The following CCDC187 variants were observed in gnomAD, a reference collection of about 807,000 sequenced individuals.
The protein encoded by CCDC187 is coiled-coil domain containing 187, also known as coiled-coil domain-containing protein 187.
A neutral mutation model predicts 38.0 loss-of-function variants in CCDC187; 32 were observed. The observed-to-expected ratio is 0.84, with a 90% CI of 0.64 to 1.13. The LOEUF (loss-of-function observed/expected upper bound fraction) is 1.13. CCDC187 is among the 50% of genes most tolerant of loss of function. The pLI is 0.00. For synonymous variants in CCDC187, 333 were observed against 347.9 expected, an observed-to-expected ratio of 0.96 and a Z score of 0.48; for missense variants, 707 against 786.8, an observed-to-expected ratio of 0.90 and a Z score of 1.21.
Position 136,250,860 on chromosome 9 carries a change from G to A in CCDC187, c.*2734C>T, listed in dbSNP as rs1374799655. On this transcript the variant is annotated 3_prime_UTR_variant, in exon 26 of 26. Transcript: ENST00000638797. ...AGGCAGGCTGGGTCCAGCTGCTCCC[G>A]GGCGAGGGGTGTCTGGAGAGGGGCT... 1.1e-5 allele frequency: 5 copies of A among 455,256 alleles called. No individual in the cohort carries two copies. The highest frequency in any genetic ancestry group is 7.0e-5 in the East Asian group (1 of 14,384). The allele number at this position is 455,256 out of a possible 1,614,324, so 28.2% of individuals were successfully genotyped here.
At chr9:136,272,457 CTT>C (rs2131197708) in intron 14 of CCDC187, among the ~76,000 whole-genome samples, 1 of 152,134 alleles carries the variant, frequency 6.6e-6, no homozygotes, top group African/African-American at 2.4e-5. Flanking sequence ...AATCCCAGCA[CTT>C]TGGGAGATCG....
At position 136,299,340 on chromosome 9, in the gene CCDC187, C is replaced by T. The variant is rs891354808; in HGVS notation, c.724+880G>A. ...GTGGCTGCTGCCCAACCAGACCTCA[C>T]GGAGAAACCACCGACCTGGACCCAC... On this transcript the variant is annotated intron_variant, in intron 3 of 25. Transcript: ENST00000638797. 8.6e-3 allele frequency among the ~76,000 whole-genome samples: 1,308 copies of T among 152,200 alleles called. 15 individuals carry two copies. Among genetic ancestry groups the T allele is most frequent in the African/African-American group, 0.028 (1,162 of 41,536 alleles).
At chr9:136,265,110 C>A (rs1830728604) in intron 17 of CCDC187, among the ~76,000 whole-genome samples, 1 of 152,210 alleles carries the variant, frequency 6.6e-6, no homozygotes, top group African/African-American at 2.4e-5. Flanking sequence ...CATGGGGGCA[C>A]TGAAGTGAGG....
intron 10 of CCDC187, chr9:136,281,073 C>T: frequency 8.3e-6 from 2 of 239,624 alleles, no homozygotes; most frequent in Non-Finnish European, 8.0e-6. Flanking sequence ...CCCTGCCAAG[C>T]CCCCCAGCCA....
At position 136,299,235 on chromosome 9, in the gene CCDC187, C is replaced by T. The variant is rs1018301148; in HGVS notation, c.724+985G>A. Among the ~76,000 whole-genome samples, 30 of 152,248 alleles carry T rather than the reference C, an allele frequency of 2.0e-4. No homozygotes were observed. In the South Asian group the frequency reaches 3.1e-3, roughly 16 times the overall value. ...GGAGATGGCTCTGTCCCCTGCTCTC[C>T]GAGGGGCCAGCCCTGGACCCCGCCC... On this transcript the variant is annotated intron_variant, in intron 3 of 25. Transcript: ENST00000638797.
At chr9:136,263,907 AG>A (rs1488459393) in intron 17 of CCDC187, 109 bp from the exon 18 acceptor site, 2 of 790,540 alleles carry the variant, frequency 2.5e-6, no homozygotes. Flanking sequence ...TCACACTGGG[AG>A]GCCTCCCTTT....
intron 4 of CCDC187, chr9:136,296,137 C>G (rs1831529846): frequency 1.3e-5 from 2 of 152,310 alleles, no homozygotes; most frequent in African/African-American, 4.8e-5. Context: ...GCTTAGGCAC[C>G]TGGGCACGGA....
At position 136,251,083 on chromosome 9, in the gene CCDC187, G is replaced by GC; in HGVS notation, c.*2510dup. 2.2e-6 allele frequency: 1 copy of GC among 454,052 alleles called. No individual in the cohort carries two copies. Among genetic ancestry groups the GC allele is most frequent in the Non-Finnish European group, 4.4e-6 (1 of 225,118 alleles). The allele number at this position is 454,052 out of a possible 1,614,324, so 28.1% of individuals were successfully genotyped here. ...TATGCTCCTCTCTGAAGTGGAGGAG[G>GC]CCTGAGGCCCTGGACAGGAGAAGCC... On this transcript the variant is annotated 3_prime_UTR_variant, in exon 26 of 26. Coordinates refer to ENST00000638797, the MANE Select transcript of CCDC187 (RefSeq NM_001378188.1).
intron 4 of CCDC187, among the ~76,000 whole-genome samples, chr9:136,294,188 C>T (rs1831476082): frequency 1.3e-5 from 2 of 148,694 alleles, no homozygotes; most frequent in South Asian, 2.1e-4. Flanking sequence ...ATACACACGC[C>T]CTCACATGTG....
At chr9:136,272,500 C>T (rs1398102690) in intron 14 of CCDC187, among the ~76,000 whole-genome samples, 2 of 151,958 alleles carry the variant, frequency 1.3e-5, no homozygotes, top group Non-Finnish European at 2.9e-5. Flanking sequence ...GTCAGGACTT[C>T]GAGACCAGCC....
upstream of CCDC187, among the ~76,000 whole-genome samples, chr9:136,304,592 C>CCG (rs1831769385): frequency 6.6e-6 from 1 of 152,184 alleles, no homozygotes; most frequent in South Asian, 2.1e-4. Flanking sequence ...CCCAGTGGGT[C>CCG]CGTGACACGG....
chr9:136,289,046 A>T (rs1831247753), intron 7 of CCDC187, among the ~76,000 whole-genome samples: 2 of 152,236 alleles, frequency 1.3e-5, no homozygotes, highest in Non-Finnish European at 2.9e-5. Context: ...GTTGTGAAGA[A>T]AAGGTCACCT....
chr9:136,265,134 G>A (rs1223777936), intron 17 of CCDC187, among the ~76,000 whole-genome samples: 11 of 152,220 alleles, frequency 7.2e-5, no homozygotes, highest in South Asian at 4.1e-4. Context: ...CAGGCACAGC[G>A]GCCGCGACCT....
chr9:136,284,249 C>T (rs1284503224), intron 9 of CCDC187, among the ~76,000 whole-genome samples: 4 of 152,176 alleles, frequency 2.6e-5, no homozygotes, highest in Non-Finnish European at 2.9e-5. Flanking sequence ...TAGGGCTACA[C>T]GTGGTGTCTG....
intron 4 of CCDC187, among the ~76,000 whole-genome samples, chr9:136,294,136 G>A (rs1335751619): frequency 2.6e-3 from 227 of 87,972 alleles, no homozygotes; most frequent in African/African-American, 7.7e-3. Flanking sequence ...TCATACACAC[G>A]CCCTCACATG....
chr9:136,279,584 A>G (rs1282497634), intron 10 of CCDC187, among the ~76,000 whole-genome samples: 4 of 152,148 alleles, frequency 2.6e-5, no homozygotes, highest in African/African-American at 9.7e-5. Flanking sequence ...ACTGTCTGTG[A>G]CTCACAGCAG....
intron 10 of CCDC187, 139 bp downstream of exon 10, chr9:136,281,412 G>T: frequency 2.5e-6 from 1 of 398,568 alleles, no homozygotes; most frequent in East Asian, 3.6e-5. Context: ...ATAACGAGGC[G>T]TGGATGCTCT....
rs1830628328 is a variant in CCDC187, at chr9:136,257,487, C to G, written c.4367-646G>C. Among the ~76,000 whole-genome samples, 1 of 152,134 alleles carries G rather than the reference C, an allele frequency of 6.6e-6. No individual in the cohort carries two copies. The highest frequency in any genetic ancestry group is 2.4e-5 in the African/African-American group (1 of 41,414). The stretch of plus-strand genomic sequence containing the variant: ...CCCCCTCGGTGCCGTCCGACAGACA[C>G]TGGTGTGAGGCAGGGGTGGTGCAGA... On this transcript the variant is annotated intron_variant, in intron 22 of 25. Coordinates refer to ENST00000638797, the MANE Select transcript of CCDC187 (RefSeq NM_001378188.1). This position sits in a 1 kb window ranked among gnomAD's most constrained non-coding sequence, Gnocchi z 4.5.
intron 4 of CCDC187, among the ~76,000 whole-genome samples, chr9:136,296,733 G>A (rs1831545071): frequency 1.3e-5 from 2 of 152,226 alleles, no homozygotes; most frequent in Admixed American, 1.3e-4. Flanking sequence ...CCATGCCCAG[G>A]CTGGGCCGCT....
Sources: gnomAD v4.1 joint callset for allele counts (sites outside exome capture counted in the v4.1 genomes callset) on GRCh38, gnomAD v4.1.1 for gene constraint, Gnocchi (gnomAD v3.1) non-coding constraint, MANE v1.5 for transcripts, NCBI Gene and HGNC (gene_info 2026-07-23, HGNC 2026-07-21) for gene names.